AGO2: variants seen among roughly 807,000 people sequenced by gnomAD.
AGO2 encodes protein argonaute-2.
Under a neutral mutation model 102.3 loss-of-function variants are expected in AGO2, and 5 were observed. That is an observed-to-expected ratio of 0.05 (90% confidence interval 0.03 to 0.10). The LOEUF (loss-of-function observed/expected upper bound fraction) is 0.10. Ranked by LOEUF, AGO2 falls within the 10% of genes least tolerant of loss-of-function variation. The probability of loss-of-function intolerance (pLI) is 1.00; values close to 1 mark genes in which losing one functional copy is unlikely to be tolerated. For synonymous variants in AGO2, 449 were observed against 473.1 expected, an observed-to-expected ratio of 0.95 and a Z score of 0.66; for missense variants, 541 against 1,183.7, an observed-to-expected ratio of 0.46 and a Z score of 7.97.
At chr8:140,573,055 G>C (rs2073409090) in intron 2 of AGO2, 123 bp from the exon 3 acceptor site, 5 of 1,220,750 alleles carry the variant, frequency 4.1e-6, no homozygotes, top group African/African-American at 3.1e-5. Flanking sequence ...TGTGGCCCAG[G>C]CTGGAGTGCA....
chr8:140,521,048 A>C lies in AGO2; in HGVS notation c.*10996T>G, dbSNP rs2072409730. ...AAAACAAAAATAACAAAAGCAAAAC[A>C]AAATGCTACATGTAAAAGCTAAAGA... On this transcript the variant is annotated 3_prime_UTR_variant, in exon 19 of 19. Transcript: ENST00000220592. 1 of 152,260 alleles carries C rather than the reference A, an allele frequency of 6.6e-6. No homozygotes were observed. Among genetic ancestry groups the C allele is most frequent in the Non-Finnish European group, 1.5e-5 (1 of 68,046 alleles). 9.4% of individuals were successfully genotyped at this position (152,260 alleles called of 1,614,324 possible). A position where few individuals can be genotyped will look rare whatever the true frequency, so the allele number is the denominator to read the frequency against.
chr8:140,628,146 A>C (rs2074298252), intron 1 of AGO2, among the ~76,000 whole-genome samples: 1 of 152,228 alleles, frequency 6.6e-6, no homozygotes. Flanking sequence ...CTTTCAGGTA[A>C]TTCTGTGATT....
At chr8:140,572,515 T>C in intron 3 of AGO2, 1 of 251,816 alleles carries the variant, frequency 4.0e-6, no homozygotes, top group Non-Finnish European at 7.6e-6. Context: ...AGCTCTTGTC[T>C]GGCGGTGGTT....
chr8:140,558,392 G>C lies in AGO2; in HGVS notation c.878+93C>G, dbSNP rs981196139. On this transcript the variant is annotated intron_variant, in intron 7 of 18. Coordinates refer to ENST00000220592, the MANE Select transcript of AGO2 (RefSeq NM_012154.5). The stretch of plus-strand genomic sequence containing the variant: ...AAACAGCATGAAATGGTCCTTTCTG[G>C]AGAATGGGCACAGAATCATGGCTCC... The C allele has an allele frequency of 5.1e-6, 7 of 1,369,028 alleles. No individual in the cohort carries two copies. The African/African-American group carries it at 1.0e-4, about 20-fold the overall frequency. 84.8% of individuals were successfully genotyped at this position (1,369,028 alleles called of 1,614,324 possible).
chr8:140,619,243 A>G (rs1195425904), intron 1 of AGO2, among the ~76,000 whole-genome samples: 4 of 152,204 alleles, frequency 2.6e-5, no homozygotes, highest in African/African-American at 9.7e-5. Flanking sequence ...CAGGCTCGGG[A>G]GCAAGTCTAA....
chr8:140,621,841 G>A (rs1194537182), intron 1 of AGO2, among the ~76,000 whole-genome samples: 2 of 152,136 alleles, frequency 1.3e-5, no homozygotes, highest in African/African-American at 2.4e-5. Flanking sequence ...AACTGCTGGC[G>A]GGAATGGAAA....
rs2072551168 is a variant in AGO2, at chr8:140,529,243, A to G, written c.*2801T>C. On this transcript the variant is annotated 3_prime_UTR_variant, in exon 19 of 19. Coordinates refer to ENST00000220592, the MANE Select transcript of AGO2 (RefSeq NM_012154.5). Reference sequence around the variant, plus strand: ...AGGCCCCAGGCACCCACATGATCAGACGATCAGATGCCGGGGAAGGGCCAC... The same window carrying G: ...AGGCCCCAGGCACCCACATGATCAGGCGATCAGATGCCGGGGAAGGGCCAC... 6.6e-6 allele frequency: 1 copy of G among 152,198 alleles called. No homozygotes were observed. Among genetic ancestry groups the G allele is most frequent in the Non-Finnish European group, 1.5e-5 (1 of 68,050 alleles). 9.4% of individuals were successfully genotyped at this position (152,198 alleles called of 1,614,324 possible).
chr8:140,522,021 CAG>C lies in AGO2; in HGVS notation c.*10021_*10022del, dbSNP rs2072423730. On this transcript the variant is annotated 3_prime_UTR_variant, in exon 19 of 19. Transcript: ENST00000220592. ...TTGGACATTTTTTTTTTTCTTTTCACAGGGGGGCAGTCGGGATTATAATACAC... is the reference window on the plus strand; with the variant it reads ...TTGGACATTTTTTTTTTTCTTTTCACGGGGGCAGTCGGGATTATAATACAC... The C allele has an allele frequency of 6.6e-6, 1 of 150,568 alleles. No homozygotes were observed. Among genetic ancestry groups the C allele is most frequent in the South Asian group, 2.1e-4 (1 of 4,776 alleles). 9.3% of individuals were successfully genotyped at this position (150,568 alleles called of 1,614,324 possible).
intron 1 of AGO2, among the ~76,000 whole-genome samples, chr8:140,615,952 T>A (rs1346249500): frequency 1.3e-5 from 2 of 152,248 alleles, no homozygotes; most frequent in East Asian, 3.8e-4. Context: ...TCTGAGGGCA[T>A]TTTGTAAGAA....
At chr8:140,541,514 C>A in intron 14 of AGO2, 156 bp from the exon 15 acceptor site, 2 of 665,546 alleles carry the variant, frequency 3.0e-6, no homozygotes, top group Non-Finnish European at 4.9e-6. Context: ...GTGAACTCAG[C>A]CTTTAGGCTT....
In AGO2 at chr8:140,529,494, T is replaced by C. The variant is rs1232668213; in HGVS notation, c.*2550A>G. The C allele has an allele frequency of 1.3e-5, 2 of 152,174 alleles. No individual in the cohort carries two copies. The highest frequency in any genetic ancestry group is 2.9e-5 in the Non-Finnish European group (2 of 68,038). The allele number at this position is 152,174 out of a possible 1,614,324, so 9.4% of individuals were successfully genotyped here. A position where few individuals can be genotyped will look rare whatever the true frequency, so the allele number is the denominator to read the frequency against. On this transcript the variant is annotated 3_prime_UTR_variant, in exon 19 of 19. Transcript: ENST00000220592. ...ATGTTTGGTCTATTAATGTTTTTAG[T>C]ATTAAAAGTTTTATAAAACAAGCAT...
intron 1 of AGO2, among the ~76,000 whole-genome samples, chr8:140,600,591 A>C (rs1008302978): frequency 6.6e-6 from 1 of 152,012 alleles, no homozygotes; most frequent in African/African-American, 2.4e-5. Flanking sequence ...GAGGCAGGAG[A>C]ATTGCTTGAA....
rs769138024 is a variant in AGO2 at position 140,531,996 on chromosome 8, G to A, written c.*48C>T. 6.5e-6 allele frequency: 10 copies of A among 1,532,376 alleles called. No individual in the cohort carries two copies. In the Admixed American group the frequency reaches 1.7e-4, roughly 26 times the overall value. The allele number at this position is 1,532,376 out of a possible 1,614,324, so 94.9% of individuals were successfully genotyped here. ...GCCATCTGTTGGTCTGAGTGTAGCTGGTCTCGTGAATCCCACTCGGTACAC... is the reference window on the plus strand; with the variant it reads ...GCCATCTGTTGGTCTGAGTGTAGCTAGTCTCGTGAATCCCACTCGGTACAC... On this transcript the variant is annotated 3_prime_UTR_variant, in exon 19 of 19. Transcript: ENST00000220592.
At chr8:140,581,252 C>T (rs901761415) in intron 2 of AGO2, among the ~76,000 whole-genome samples, 4 of 152,156 alleles carry the variant, frequency 2.6e-5, no homozygotes, top group South Asian at 2.1e-4. Flanking sequence ...AACAGGCTCA[C>T]GCCTGTAATT....
At chr8:140,568,652 G>T (rs575383147) in intron 3 of AGO2, among the ~76,000 whole-genome samples, 2 of 152,316 alleles carry the variant, frequency 1.3e-5, no homozygotes, top group African/African-American at 4.8e-5. Context: ...AGGTGCTGAG[G>T]TCTAAAGGCA....
chr8:140,570,739 C>T (rs1001093215), intron 3 of AGO2, among the ~76,000 whole-genome samples: 9 of 152,166 alleles, frequency 5.9e-5, no homozygotes, highest in Non-Finnish European at 1.3e-4. Context: ...GCAGTTGAGG[C>T]TTGGCCAGTT....
rs2072431412 is a variant in AGO2 at position 140,522,550 on chromosome 8, G to GCAA, written c.*9493_*9494insTTG. 2 of 133,258 alleles carry GCAA rather than the reference G, an allele frequency of 1.5e-5. No individual in the cohort carries two copies. Among genetic ancestry groups the GCAA allele is most frequent in the East Asian group, 4.3e-4 (2 of 4,644 alleles). 8.3% of individuals were successfully genotyped at this position (133,258 alleles called of 1,614,324 possible). Reference sequence around the variant, plus strand: ...GGAGGGGAAAAAAAAAAAGAAACATGAAAAAAAAAAAAAACCCTGAAAAAG... The same window carrying GCAA: ...GGAGGGGAAAAAAAAAAAGAAACATGCAAAAAAAAAAAAAAAACCCTGAAAAAG... On this transcript the variant is annotated 3_prime_UTR_variant, in exon 19 of 19. Coordinates refer to ENST00000220592, the MANE Select transcript of AGO2 (RefSeq NM_012154.5).
At position 140,549,311 on chromosome 8, in the gene AGO2, G is replaced by C. The variant is rs1249384552; in HGVS notation, c.1404-13C>G. 1.3e-6 allele frequency: 2 copies of C among 1,579,448 alleles called. No individual in the cohort carries two copies. The highest frequency in any genetic ancestry group is 1.7e-5 in the Admixed American group (1 of 58,154). On this transcript the variant is annotated splice_polypyrimidine_tract_variant and intron_variant, in intron 11 of 18. Coordinates refer to ENST00000220592, the MANE Select transcript of AGO2 (RefSeq NM_012154.5). ...CTCTGTGAAGGACCTGCAGGAGAAG[G>C]CTCCGTTCACTACCGGGCACTGGGA...
At chr8:140,582,156 T>G (rs1241520157) in intron 2 of AGO2, among the ~76,000 whole-genome samples, 1 of 152,192 alleles carries the variant, frequency 6.6e-6, no homozygotes, top group Non-Finnish European at 1.5e-5. Context: ...AAAACAATTG[T>G]AAAGAACAAC....
Sources: allele counts gnomAD v4.1 joint callset (sites outside exome capture counted in the v4.1 genomes callset), GRCh38; gene constraint gnomAD v4.1.1; transcripts MANE v1.5; gene names NCBI Gene and HGNC (gene_info 2026-07-23, HGNC 2026-07-21).